NUP35: variants seen among roughly 807,000 people sequenced by gnomAD.
NUP35 encodes the protein nucleoporin 35.
A neutral mutation model predicts 41.5 loss-of-function variants in NUP35; 25 were observed. The ratio of observed to expected loss-of-function variants is 0.60; its 90% CI spans 0.44 to 0.84. The LOEUF is 0.84. Ranked by LOEUF, NUP35 falls within the 40% of genes least tolerant of loss-of-function variation. The pLI, the probability that NUP35 is intolerant of heterozygous loss-of-function variation, is 0.00. For synonymous variants in NUP35, 149 were observed against 130.7 expected (o/e 1.14, Z -0.96); for missense variants, 396 against 396.6 (o/e 1.00, Z 0.01).
chr2:183,118,790 C>G (rs1700025745), intron 1 of NUP35: 1 of 152,220 alleles, frequency 6.6e-6, no homozygotes, highest in South Asian at 2.1e-4. Flanking sequence ...GTAAAGTACA[C>G]TTGGAAGAGG....
chr2:183,133,655 T>C (rs759162408), intron 4 of NUP35, 32 bp downstream of exon 4: 9 of 961,826 alleles, frequency 9.4e-6, no homozygotes, highest in Non-Finnish European at 1.1e-5. Context: ...TTTTTTTTTT[T>C]AAAAGACAGG....
intron 4 of NUP35, among the ~76,000 whole-genome samples, chr2:183,138,270 T>TATA (rs1553530933): frequency 2.0e-3 from 51 of 25,294 alleles, no homozygotes; most frequent in Non-Finnish European, 3.4e-3. Flanking sequence ...TATATATATA[T>TATA]TTTTTTTTTT....
At chr2:183,150,316 A>G (rs575667851) in intron 4 of NUP35, among the ~76,000 whole-genome samples, 1 of 152,086 alleles carries the variant, frequency 6.6e-6, no homozygotes, top group African/African-American at 2.4e-5. Context: ...CAGTGGCTTT[A>G]TAAGGTTTTT....
upstream of NUP35, chr2:183,123,680 A>G (rs1700100336): frequency 5.8e-6 from 3 of 514,474 alleles, no homozygotes; most frequent in South Asian, 1.7e-4. Context: ...ACTAAACAAT[A>G]TATTTTTACA....
At chr2:183,147,197 T>A (rs1685309947) in intron 4 of NUP35, among the ~76,000 whole-genome samples, 3 of 152,228 alleles carry the variant, frequency 2.0e-5, no homozygotes, top group African/African-American at 7.2e-5. Flanking sequence ...CAGGAAGTCA[T>A]TAGTTTAATT....
upstream of NUP35, among the ~76,000 whole-genome samples, chr2:183,122,600 GTTC>G (rs1485570017): frequency 6.6e-6 from 1 of 152,094 alleles, no homozygotes; most frequent in Non-Finnish European, 1.5e-5. Flanking sequence ...GTTGTATAGT[GTTC>G]TTTTGTTTGG....
chr2:183,145,626 A>C (rs1044055280), intron 4 of NUP35, among the ~76,000 whole-genome samples: 1 of 152,208 alleles, frequency 6.6e-6, no homozygotes, highest in Non-Finnish European at 1.5e-5. Context: ...TTAAAAGTTT[A>C]ATAAATATTA....
intron 1 of NUP35, 54 bp from the exon 2 acceptor site, chr2:183,128,233 A>C: frequency 1.5e-6 from 2 of 1,374,080 alleles, no homozygotes; most frequent in Non-Finnish European, 1.9e-6. Flanking sequence ...TGTCATCAAC[A>C]TGTAACAGAA....
intron 4 of NUP35, among the ~76,000 whole-genome samples, chr2:183,135,424 G>A (rs1684841115): frequency 1.3e-5 from 2 of 152,154 alleles, no homozygotes; most frequent in South Asian, 4.1e-4. Flanking sequence ...TGGAAAATGA[G>A]GTCAGAGAGG....
chr2:183,138,264 TATA>T (rs1427800394), intron 4 of NUP35, among the ~76,000 whole-genome samples: 2 of 55,010 alleles, frequency 3.6e-5, no homozygotes, highest in African/African-American at 2.1e-4. Context: ...TATATATATA[TATA>T]TATTTTTTTT....
At chr2:183,146,239 A>G (rs921318961) in intron 4 of NUP35, among the ~76,000 whole-genome samples, 9 of 152,276 alleles carry the variant, frequency 5.9e-5, no homozygotes, top group Admixed American at 5.2e-4. Context: ...CTGTCTCAAA[A>G]AAAAAAGTAT....
At chr2:183,120,726 G>A (rs1559138566), upstream of NUP35, among the ~76,000 whole-genome samples, 1 of 152,172 alleles carries the variant, frequency 6.6e-6, no homozygotes, top group Non-Finnish European at 1.5e-5. Context: ...ATAGGTTTTA[G>A]TGAGAGAGTT....
chr2:183,148,833 T>A (rs1264181553), intron 4 of NUP35, among the ~76,000 whole-genome samples: 2 of 152,130 alleles, frequency 1.3e-5, no homozygotes, highest in African/African-American at 2.4e-5. Context: ...TAATTTTTTG[T>A]ATTTTTAGTA....
intron 4 of NUP35, among the ~76,000 whole-genome samples, chr2:183,141,998 G>T (rs1685112053): frequency 6.6e-6 from 1 of 152,156 alleles, no homozygotes; most frequent in African/African-American, 2.4e-5. Context: ...GCTTTTTTTA[G>T]TCTTCACACT....
In NUP35 at chr2:183,128,384, G is replaced by T; in HGVS notation, c.138G>T (p.Pro46=). ...PGFLMGDLPA[P]VTPQPRSISG... Reference sequence around the variant, plus strand: ...TTTTAATGGGGGATTTGCCAGCTCCGGTGACTCCACAACCTCGATCAATTA... The same window carrying T: ...TTTTAATGGGGGATTTGCCAGCTCCTGTGACTCCACAACCTCGATCAATTA... Residue 46 remains proline (P), a synonymous_variant, in exon 2 of 9, where the codon CCG becomes CCT. Coordinates refer to ENST00000295119, the MANE Select transcript of NUP35 (RefSeq NM_138285.5). 6.2e-7 allele frequency: 1 copy of T among 1,613,858 alleles called. No homozygotes were observed. Among genetic ancestry groups the T allele is most frequent in the Non-Finnish European group, 8.5e-7 (1 of 1,179,902 alleles).
upstream of NUP35, among the ~76,000 whole-genome samples, chr2:183,123,405 T>C (rs1700096653): frequency 6.6e-6 from 1 of 152,206 alleles, no homozygotes; most frequent in Non-Finnish European, 1.5e-5. Context: ...CACAATTCAA[T>C]TCACACACCC....
At chr2:183,158,034 C>A (rs1021202567) in intron 6 of NUP35, among the ~76,000 whole-genome samples, 2 of 86,634 alleles carry the variant, frequency 2.3e-5, no homozygotes, top group African/African-American at 7.0e-5. Context: ...TTGCTTTGAT[C>A]TCTTTACAAT....
chr2:183,142,972 A>C (rs1324657576), intron 4 of NUP35, among the ~76,000 whole-genome samples: 2 of 151,560 alleles, frequency 1.3e-5, no homozygotes, highest in Admixed American at 1.3e-4. Context: ...CTAGCTAACA[A>C]GGTGAAACAC....
At chr2:183,151,068 A>G (rs1685453419) in intron 4 of NUP35, among the ~76,000 whole-genome samples, 1 of 152,370 alleles carries the variant, frequency 6.6e-6, no homozygotes, top group East Asian at 1.9e-4. Flanking sequence ...TGTTTAGTGC[A>G]TACTGGAAAA....
Sources: gnomAD v4.1 joint callset for allele counts (sites outside exome capture counted in the v4.1 genomes callset) on GRCh38, gnomAD v4.1.1 for gene constraint, MANE v1.5 for transcripts, NCBI Gene and HGNC (gene_info 2026-07-23, HGNC 2026-07-21) for gene names.